DDX51: variants seen among roughly 807,000 people sequenced by gnomAD.
The protein encoded by DDX51 is DEAD-box helicase 51.
A neutral mutation model predicts 74.6 loss-of-function variants in DDX51; 67 were observed. That is an observed-to-expected ratio of 0.90 (90% CI 0.74 to 1.10). The LOEUF is 1.10. DDX51 is among the 50% of genes least tolerant of loss of function. DDX51 has a pLI of 0.00. For missense variants in DDX51, 1,056 were observed against 905.2 expected (o/e 1.17, Z -2.14); for synonymous variants, 545 against 402.9 (o/e 1.35, Z -4.22).
rs757385120 is a variant in DDX51 at position 132,140,967 on chromosome 12, G to A, written c.1304C>T (p.Thr435Ile). The stretch of plus-strand genomic sequence containing the variant: ...CTGCTGCAGCTTTTCAGGGTTCTGG[G>A]TCAGAGTAGCTGAGAAGAGCAGCTT... ...LQKLLFSATL[T>I]QNPEKLQQLG... The change falls in exon 9 of 15, where the codon ACC becomes ATC. Residue 435 changes from threonine to isoleucine, a missense_variant. By Grantham distance (89) the Thr-to-Ile change is moderately conservative. Transcript: ENST00000397333. 28 of 1,612,350 alleles carry A rather than the reference G, an allele frequency of 1.7e-5. No individual in the cohort carries two copies. Among genetic ancestry groups the A allele is most frequent in the Middle Eastern group, 1.6e-4 (1 of 6,074 alleles).
In DDX51 at chr12:132,139,841, C is replaced by A. The variant is rs778468381; in HGVS notation, c.1839+20G>T. 1.2e-6 allele frequency: 2 copies of A among 1,612,916 alleles called. No individual in the cohort carries two copies. The highest frequency in any genetic ancestry group is 1.1e-5 in the South Asian group (1 of 91,058). On this transcript the variant is annotated intron_variant, in intron 13 of 14. Transcript: ENST00000397333. ...AACACCCACCAACAGCAGAAACTCC[C>A]AAGACCCTCGCAGCCTCACCTGCAC...
chr12:132,142,486 G>A, intron 3 of DDX51, 64 bp from the exon 4 acceptor site: 1 of 1,573,590 alleles, frequency 6.4e-7, no homozygotes, highest in South Asian at 1.1e-5. Flanking sequence ...CCGCTTCCCT[G>A]CCTGTGACCT....
intron 14 of DDX51, 71 bp from the exon 15 acceptor site, chr12:132,139,369 G>T: frequency 1.3e-6 from 2 of 1,578,606 alleles, no homozygotes; most frequent in East Asian, 2.3e-5. Flanking sequence ...CCCGGGCTCT[G>T]CCCCTGGAAC....
At chr12:132,143,004 C>A (rs916913600) in intron 2 of DDX51, 126 bp from the exon 3 acceptor site, 1 of 1,272,854 alleles carries the variant, frequency 7.9e-7, no homozygotes, top group Non-Finnish European at 1.1e-6. Context: ...CTTCTCAGCC[C>A]CAGGATGCGC....
intron 11 of DDX51, 50 bp downstream of exon 11, chr12:132,140,373 G>C (rs766075555): frequency 6.2e-7 from 1 of 1,602,826 alleles, no homozygotes; most frequent in Non-Finnish European, 8.5e-7. Flanking sequence ...GCTGACCCTG[G>C]AGTGGGCACC....
At chr12:132,141,188 C>T in intron 8 of DDX51, 87 bp downstream of exon 8, 12 of 1,511,060 alleles carry the variant, frequency 7.9e-6, no homozygotes, top group Non-Finnish European at 1.1e-5. Context: ...GCTCAAGCCA[C>T]CCTTATCTCT....
intron 3 of DDX51, 75 bp from the exon 4 acceptor site, chr12:132,142,497 C>A: frequency 3.2e-6 from 5 of 1,553,582 alleles, no homozygotes; most frequent in Non-Finnish European, 4.3e-6. Flanking sequence ...CCTGTGACCT[C>A]TGGGCTGGGC....
chr12:132,140,279 C>T, intron 11 of DDX51, 80 bp from the exon 12 acceptor site: 2 of 1,570,770 alleles, frequency 1.3e-6, no homozygotes, highest in Non-Finnish European at 8.7e-7. Flanking sequence ...GGGGGCAGCT[C>T]AGGCCTTTCT....
Position 132,142,552 on chromosome 12 carries a change from C to T in DDX51, c.671-130G>A. On this transcript the variant is annotated intron_variant, in intron 3 of 14. Transcript: ENST00000397333. ...GAACCGCTCCCCAGAGGGATGGCAC[C>T]AAGGCCCAGAGGAACGCCAGCCTCA... 9 of 1,478,452 alleles carry T rather than the reference C, an allele frequency of 6.1e-6. No homozygotes were observed. In the Middle Eastern group the frequency reaches 9.8e-4, roughly 161 times the overall value. The allele number at this position is 1,478,452 out of a possible 1,614,324, so 91.6% of individuals were successfully genotyped here.
rs545597344 is a variant in DDX51, at chr12:132,142,388, G to A, written c.705C>T (p.Ser235=). ...TGCCCACCAGAAACCCACAGGCTGC[G>A]CTCTCCAGGAGGGCAGGAATCACAG... The part of the protein sequence containing the change: ...QAAVIPALLE[S]AACGFLVGRG... Residue 235 remains serine (S), a synonymous_variant, in exon 4 of 15, where the codon AGC becomes AGT. Transcript: ENST00000397333. 129 of 1,612,764 alleles carry A rather than the reference G, an allele frequency of 8.0e-5. 3 individuals carry two copies. The South Asian group carries it at 8.5e-4, about 11-fold the overall frequency.
At position 132,144,243 on chromosome 12, in the gene DDX51, C is replaced by A. The variant is rs1208709058; in HGVS notation, c.54G>T (p.Ala18=). Residue 18 remains alanine (A), a synonymous_variant, in exon 1 of 15, where the codon GCG becomes GCT. Transcript: ENST00000397333. ...CCCCGGCCTCCGCGCCCTCCGGCCCCGCCGCAGCTGCCGCATCGGGGCCCG... is the reference window on the plus strand; with the variant it reads ...CCCCGGCCTCCGCGCCCTCCGGCCCAGCCGCAGCTGCCGCATCGGGGCCCG... The part of the protein sequence containing the change: ...RYPGPDAAAA[A]GPEGAEAGAH... 5 of 1,233,142 alleles carry A rather than the reference C, an allele frequency of 4.1e-6. No individual in the cohort carries two copies. Among genetic ancestry groups the A allele is most frequent in the Non-Finnish European group, 5.1e-6 (5 of 988,376 alleles). 76.4% of individuals were successfully genotyped at this position (1,233,142 alleles called of 1,614,324 possible). A position where few individuals can be genotyped will look rare whatever the true frequency, so the allele number is the denominator to read the frequency against.
rs1593418515 is a variant in DDX51, at chr12:132,139,846, C to T, written c.1839+15G>A. On this transcript the variant is annotated intron_variant, in intron 13 of 14. Transcript: ENST00000397333. ...CCACCAACAGCAGAAACTCCCAAGA[C>T]CCTCGCAGCCTCACCTGCACTTTCA... The T allele has an allele frequency of 3.1e-6, 5 of 1,612,972 alleles. No individual in the cohort carries two copies. Among genetic ancestry groups the T allele is most frequent in the Non-Finnish European group, 4.2e-6 (5 of 1,179,942 alleles).
Position 132,143,850 on chromosome 12 carries a change from C to A in DDX51, c.364G>T (p.Glu122Ter). ...TCCTCGCTGCTCCCTGCGCTGGGCT[C>A]CCCTGGCGCCTCCTCGCTGCTCCCT... ...SAGSSEEAPG[E>*]PSAGSSEEAP... The change falls in exon 2 of 15, where the codon GAG becomes TAG. Residue 122 changes from glutamate to a stop codon, truncating the protein, a stop_gained. Transcript: ENST00000397333. LOFTEE classifies it high-confidence loss of function. 1 of 1,501,186 alleles carries A rather than the reference C, an allele frequency of 6.7e-7. No homozygotes were observed. The highest frequency in any genetic ancestry group is 2.8e-5 in the East Asian group (1 of 35,322). 93.0% of individuals were successfully genotyped at this position (1,501,186 alleles called of 1,614,324 possible).
In DDX51 at chr12:132,142,739, G is replaced by T; in HGVS notation, c.659C>A (p.Ser220Tyr). 1 of 1,612,806 alleles carries T rather than the reference G, an allele frequency of 6.2e-7. No homozygotes were observed. The highest frequency in any genetic ancestry group is 8.5e-7 in the Non-Finnish European group (1 of 1,179,998). The change falls in exon 3 of 15, where the codon TCC becomes TAC. Residue 220 changes from serine (S) to tyrosine (Y), a missense_variant. Coordinates refer to ENST00000397333, the MANE Select transcript of DDX51 (RefSeq NM_175066.4). Reference sequence around the variant, plus strand: ...CGGGGCTGGGGCACCTGGAAAGTAGGACGAGATGCCGTGTGCCCGCAGCTG... The same window carrying T: ...CGGGGCTGGGGCACCTGGAAAGTAGTACGAGATGCCGTGTGCCCGCAGCTG... ...QKQLRAHGIS[S>Y]YFPVQAAVIP...
chr12:132,140,082 C>T lies in DDX51; in HGVS notation c.1775+16G>A, dbSNP rs1027702039. 1.2e-6 allele frequency: 2 copies of T among 1,610,734 alleles called. No homozygotes were observed. The highest frequency in any genetic ancestry group is 1.7e-5 in the Admixed American group (1 of 59,888). ...AAAGCCCCAGACCCCCCAGTGGCCG[C>T]TGCGCCAGCGCTCACCGGTGCACGT... is the stretch of plus-strand genomic sequence containing the variant. On this transcript the variant is annotated intron_variant, in intron 12 of 14. Transcript: ENST00000397333.
intron 2 of DDX51, chr12:132,143,316 C>T (rs1447512489): frequency 2.3e-6 from 1 of 426,976 alleles, no homozygotes. Context: ...CTTTCTTCAC[C>T]TGTCTCGCCG....
chr12:132,138,625 ATTT>A lies in DDX51; in HGVS notation c.*644_*646del, dbSNP rs112928855. 0.028 allele frequency: 3,743 copies of A among 134,530 alleles called. 62 individuals carry two copies. Among genetic ancestry groups the A allele is most frequent in the Middle Eastern group, 0.068 (15 of 220 alleles). The allele number at this position is 134,530 out of a possible 1,614,324, so 8.3% of individuals were successfully genotyped here. ...CAGGCATTTGCCACCGCGCCCGGCA[ATTT>A]TTTTTTTTGAGACGGAGTTTTGCTC... is the stretch of plus-strand genomic sequence containing the variant. On this transcript the variant is annotated 3_prime_UTR_variant, in exon 15 of 15. Transcript: ENST00000397333.
In DDX51 at chr12:132,141,600, A is replaced by G. The variant is rs771704027; in HGVS notation, c.1002T>C (p.Asp334=). Reference sequence around the variant, plus strand: ...CGATGTCAGCCAAGCAGCGGTACCCATCAGCTCTACAGACCAGAGAGCAGC... The same window carrying G: ...CGATGTCAGCCAAGCAGCGGTACCCGTCAGCTCTACAGACCAGAGAGCAGC... ...EQESLVQKTA[D]GYRCLADIVV... is the part of the protein sequence containing the mutation. The change falls in exon 7 of 15, where the codon GAT becomes GAC. Residue 334 remains aspartate, a synonymous_variant. Coordinates refer to ENST00000397333, the MANE Select transcript of DDX51 (RefSeq NM_175066.4). 15 of 1,592,474 alleles carry G rather than the reference A, an allele frequency of 9.4e-6. No individual in the cohort carries two copies. The highest frequency in any genetic ancestry group is 1.1e-5 in the Non-Finnish European group (13 of 1,171,180).
At chr12:132,143,515 G>T in intron 2 of DDX51, 180 bp downstream of exon 2, 1 of 785,616 alleles carries the variant, frequency 1.3e-6, no homozygotes, top group Non-Finnish European at 1.9e-6. Context: ...CAGAGGAAAC[G>T]GGAGCTCTGC....
Sources: gnomAD v4.1 joint callset for allele counts on GRCh38, gnomAD v4.1.1 for gene constraint, MANE v1.5 for transcripts, NCBI Gene and HGNC (gene_info 2026-07-23, HGNC 2026-07-21) for gene names.